DNAH7: variants seen among roughly 807,000 people sequenced by gnomAD.
DNAH7 encodes the protein dynein axonemal heavy chain 7.
Under a neutral mutation model 444.6 loss-of-function variants are expected in DNAH7, and 397 were observed. The ratio of observed to expected loss-of-function variants is 0.89; its 90% CI spans 0.82 to 0.97. The LOEUF (loss-of-function observed/expected upper bound fraction) is 0.97, where lower values mean the gene tolerates loss of function less well. DNAH7 is among the 50% of genes least tolerant of loss of function. The probability of loss-of-function intolerance (pLI) is 0.00; values close to 1 mark genes in which losing one functional copy is unlikely to be tolerated. For missense variants in DNAH7, 4,902 were observed against 4,800.8 expected, an observed-to-expected ratio of 1.02 and a Z score of -0.62; for synonymous variants, 1,636 against 1,624.4, an observed-to-expected ratio of 1.01 and a Z score of -0.17.
Position 196,019,187 on chromosome 2 carries a change from C to A in DNAH7, c.852G>T (p.Leu284Phe), listed in dbSNP as rs1695214685. The A allele has an allele frequency of 1.3e-6, 2 of 1,487,860 alleles. No individual in the cohort carries two copies. Among genetic ancestry groups the A allele is most frequent in the Admixed American group, 3.7e-5 (2 of 54,484 alleles). The allele number at this position is 1,487,860 out of a possible 1,614,324, so 92.2% of individuals were successfully genotyped here. A position where few individuals can be genotyped will look rare whatever the true frequency, so the allele number is the denominator to read the frequency against. The change falls in exon 9 of 65, where the codon TTG (leucine) becomes TTT (phenylalanine). Residue 284 changes from leucine (L) to phenylalanine (F), a missense_variant. By Grantham distance (22) the Leu-to-Phe change is conservative. Transcript: ENST00000312428. The part of the protein sequence containing the change: ...MNPTMLAVLD[L>F]WHTNFKKLRL... ...ATACTCACTTAAAATTAGTGTGCCA[C>A]AAATCTAGTACAGCCAGCATTGTGG... is the stretch of plus-strand genomic sequence containing the variant.
intron 47 of DNAH7, 105 bp downstream of exon 47, chr2:195,844,897 A>T: frequency 1.0e-6 from 1 of 977,666 alleles, no homozygotes; most frequent in Non-Finnish European, 1.5e-6. Flanking sequence ...TAGTTAAGTA[A>T]TTTTTTAATA....
chr2:195,806,598 T>A (rs779588528), intron 54 of DNAH7, 142 bp downstream of exon 54: 104 of 550,544 alleles, frequency 1.9e-4, no homozygotes, highest in Admixed American at 3.7e-4. Context: ...TTGAAAAAAA[T>A]GTCTGCATTA....
chr2:195,943,587 T>A (rs1380678081), intron 19 of DNAH7, among the ~76,000 whole-genome samples: 7 of 152,198 alleles, frequency 4.6e-5, no homozygotes, highest in Non-Finnish European at 7.3e-5. Context: ...TAATTTCTGC[T>A]GTTGGCAGCT....
chr2:195,853,147 A>G (rs1274700941), intron 46 of DNAH7, among the ~76,000 whole-genome samples, 196 bp downstream of exon 46: 1 of 152,172 alleles, frequency 6.6e-6, no homozygotes, highest in African/African-American at 2.4e-5. Context: ...TAGATTTTTG[A>G]AGAGTATATT....
intron 1 of DNAH7, among the ~76,000 whole-genome samples, chr2:196,062,425 T>TCCCCCC (rs1163440868): frequency 3.9e-5 from 6 of 152,170 alleles, no homozygotes; most frequent in Non-Finnish European, 8.8e-5. Flanking sequence ...GAAAATCACA[T>TCCCCCC]CTCCAGTCCT....
At chr2:195,741,394 T>A (rs1354200533) in intron 63 of DNAH7, among the ~76,000 whole-genome samples, 2 of 152,200 alleles carry the variant, frequency 1.3e-5, no homozygotes, top group African/African-American at 4.8e-5. Context: ...GAAAGACACA[T>A]GATGAACTCT....
intron 5 of DNAH7, among the ~76,000 whole-genome samples, chr2:196,042,062 A>G (rs1696797895): frequency 6.6e-6 from 1 of 152,050 alleles, no homozygotes; most frequent in Admixed American, 6.6e-5. Flanking sequence ...ACAAAAAATA[A>G]CAGATGTGGG....
chr2:195,978,313 A>T (rs1322374205), intron 15 of DNAH7, among the ~76,000 whole-genome samples: 3 of 152,128 alleles, frequency 2.0e-5, no homozygotes, highest in Non-Finnish European at 4.4e-5. Flanking sequence ...TTGTTTATGC[A>T]ATCAGTGTTG....
At chr2:195,960,998 C>A (rs1368861627) in intron 17 of DNAH7, 53 bp from the exon 18 acceptor site, 3 of 1,349,708 alleles carry the variant, frequency 2.2e-6, no homozygotes, top group African/African-American at 3.0e-5. Flanking sequence ...AATGATACTG[C>A]AAATTAAGTT....
At chr2:195,976,738 A>T (rs912049422) in intron 15 of DNAH7, among the ~76,000 whole-genome samples, 1 of 133,706 alleles carries the variant, frequency 7.5e-6, no homozygotes, top group African/African-American at 3.0e-5. Flanking sequence ...AGAGAGACAG[A>T]GAGGCAGACA....
intron 17 of DNAH7, among the ~76,000 whole-genome samples, chr2:195,967,807 T>C (rs1691582778): frequency 6.6e-6 from 1 of 152,240 alleles, no homozygotes; most frequent in African/African-American, 2.4e-5. Context: ...GATTATTAAA[T>C]GCCTTGAGGT....
chr2:195,933,852 A>G (rs1014070343), intron 21 of DNAH7, among the ~76,000 whole-genome samples: 1 of 152,170 alleles, frequency 6.6e-6, no homozygotes, highest in Non-Finnish European at 1.5e-5. Flanking sequence ...ATACAAATGT[A>G]ACAAACCTGC....
chr2:195,862,861 T>A (rs1574598165), intron 41 of DNAH7, among the ~76,000 whole-genome samples: 1 of 152,016 alleles, frequency 6.6e-6, no homozygotes, highest in Non-Finnish European at 1.5e-5. Flanking sequence ...CATGGTGAAA[T>A]CCCGTCTCTA....
chr2:196,008,280 A>G (rs769799910), intron 10 of DNAH7, among the ~76,000 whole-genome samples: 1 of 152,024 alleles, frequency 6.6e-6, no homozygotes, highest in Non-Finnish European at 1.5e-5. Flanking sequence ...AAGATGGACA[A>G]TAACAAGTGC....
At chr2:195,818,031 T>G (rs140050140) in intron 49 of DNAH7, among the ~76,000 whole-genome samples, 104 of 152,324 alleles carry the variant, frequency 6.8e-4, no homozygotes, top group African/African-American at 2.5e-3. Flanking sequence ...TTTCTCATAG[T>G]CAAAAATCTA....
At chr2:195,778,669 T>TATATATATATACAC (rs1446625777) in intron 58 of DNAH7, among the ~76,000 whole-genome samples, 1 of 64,098 alleles carries the variant, frequency 1.6e-5, no homozygotes, top group African/African-American at 7.8e-5. Context: ...TATATATATA[T>TATATATATATACAC]ACACACACAC....
chr2:195,861,614 T>G (rs1574594408), intron 42 of DNAH7, 103 bp downstream of exon 42: 1 of 798,802 alleles, frequency 1.3e-6, no homozygotes, highest in East Asian at 2.7e-5. Context: ...ACTTACAGTA[T>G]ATTTCTACGA....
intron 19 of DNAH7, among the ~76,000 whole-genome samples, chr2:195,955,113 G>A (rs1690555937): frequency 6.6e-6 from 1 of 152,154 alleles, no homozygotes; most frequent in African/African-American, 2.4e-5. Context: ...CCTATGTCTT[G>A]AATGGTATTG....
chr2:195,941,953 A>G (rs1423533979), intron 19 of DNAH7, among the ~76,000 whole-genome samples: 4 of 152,144 alleles, frequency 2.6e-5, no homozygotes, highest in Non-Finnish European at 4.4e-5. Context: ...ATCAATCTCA[A>G]TTATTACTCA....
Sources: gnomAD v4.1 joint callset for allele counts (sites outside exome capture counted in the v4.1 genomes callset) on GRCh38, gnomAD v4.1.1 for gene constraint, MANE v1.5 for transcripts, NCBI Gene and HGNC (gene_info 2026-07-23, HGNC 2026-07-21) for gene names.